Variants in RBFOX3 observed in about 807,000 individuals in gnomAD.
RBFOX3 encodes RNA binding fox-1 homolog 3.
RBFOX3 carries 17 observed loss-of-function variants against 48.7 expected under a neutral mutation model. The observed-to-expected ratio is 0.35, with a 90% confidence interval of 0.24 to 0.52. RBFOX3 has a LOEUF of 0.52. RBFOX3 is among the 20% of genes least tolerant of loss of function. The probability of loss-of-function intolerance (pLI) is 0.94; values close to 1 mark genes in which losing one functional copy is unlikely to be tolerated. For synonymous variants in RBFOX3, 212 were observed against 209.5 expected, an observed-to-expected ratio of 1.01 and a Z score of -0.10; for missense variants, 382 against 497.5, an observed-to-expected ratio of 0.77 and a Z score of 2.21.
rs539025539 is a variant in RBFOX3, at chr17:79,358,214, G to A, written c.-174-50390C>T. 4.9e-4 allele frequency among the ~76,000 whole-genome samples: 75 copies of A among 152,278 alleles called. 1 individual carries two copies. The South Asian group carries it at 9.5e-3, about 19-fold the overall frequency. On this transcript the variant is annotated intron_variant, in intron 2 of 14. Coordinates refer to ENST00000693108, the MANE Select transcript of RBFOX3 (RefSeq NM_001350451.2). ...TCCTGCCTTGGCCTCCCAAAGTGCT[G>A]GGATTACAGGTGTGACCAGTGTGCC...
chr17:79,583,978 C>T (rs989186886), intron 1 of RBFOX3, among the ~76,000 whole-genome samples: 13 of 152,020 alleles, frequency 8.6e-5, no homozygotes, highest in Non-Finnish European at 1.5e-4. Flanking sequence ...GCCCAGCCTC[C>T]GCCTTGTACA....
At chr17:79,655,987 G>A in the RBFOX3 span, among the ~76,000 whole-genome samples, 1 of 151,978 alleles carries the variant, frequency 6.6e-6, no homozygotes, top group Non-Finnish European at 1.5e-5. Flanking sequence ...TTCCAGAATG[G>A]CCCCAGAGCC....
At chr17:79,280,701 G>A (rs1042706006) in intron 3 of RBFOX3, among the ~76,000 whole-genome samples, 7 of 152,060 alleles carry the variant, frequency 4.6e-5, no homozygotes, top group African/African-American at 1.2e-4. Context: ...TGGGGCGCAC[G>A]GCAGGCGGGG....
At position 79,242,854 on chromosome 17, in the gene RBFOX3, T is replaced by A. The variant is rs1040018038; in HGVS notation, c.-73-7049A>T. 6.6e-6 allele frequency among the ~76,000 whole-genome samples: 1 copy of A among 152,132 alleles called. No homozygotes were observed. The highest frequency in any genetic ancestry group is 2.1e-4 in the South Asian group (1 of 4,832). On this transcript the variant is annotated intron_variant, in intron 3 of 14. Coordinates refer to ENST00000693108, the MANE Select transcript of RBFOX3 (RefSeq NM_001350451.2). The surrounding 1 kb of genome is among the most constrained non-coding windows in gnomAD (Gnocchi z 5.8). ...CTCTCCCAGGAAGCCCGGGCAGGGC[T>A]CCACAGCAACCTGCCTGGAGTCCCA...
At chr17:79,643,495 A>G in the RBFOX3 span, among the ~76,000 whole-genome samples, 1 of 152,050 alleles carries the variant, frequency 6.6e-6, no homozygotes, top group Non-Finnish European at 1.5e-5. Context: ...CATTCTTTTC[A>G]AGTTTACATG....
intron 1 of RBFOX3, among the ~76,000 whole-genome samples, chr17:79,531,017 C>T (rs1265108789): frequency 1.1e-4 from 16 of 152,340 alleles, no homozygotes; most frequent in African/African-American, 3.1e-4. Flanking sequence ...GTATTCTTGG[C>T]CCTCTACCCT....
At chr17:79,094,552 G>A in intron 13 of RBFOX3, 23 bp from the exon 14 acceptor site, 4 of 754,792 alleles carry the variant, frequency 5.3e-6, no homozygotes, top group Non-Finnish European at 7.5e-6. Context: ...GTGGGAGGGG[G>A]AGTGGGAGGA....
intron 2 of RBFOX3, among the ~76,000 whole-genome samples, chr17:79,393,274 G>A (rs562414076): frequency 1.1e-3 from 167 of 152,318 alleles, no homozygotes; most frequent in African/African-American, 3.9e-3. Flanking sequence ...GAGGCTTGGG[G>A]CACCTCTCCT....
At chr17:79,292,584 G>GCACACACA (rs937932598) in intron 3 of RBFOX3, among the ~76,000 whole-genome samples, 2 of 63,686 alleles carry the variant, frequency 3.1e-5, no homozygotes, top group Admixed American at 1.8e-4. Context: ...ACACACACAT[G>GCACACACA]CACACACACA....
intron 1 of RBFOX3, among the ~76,000 whole-genome samples, chr17:79,551,527 A>G (rs957087292): frequency 0.013 from 242 of 18,938 alleles, 3 homozygotes; most frequent in African/African-American, 0.017. Flanking sequence ...GGGTGGATGG[A>G]TGGACGGGTG....
At chr17:79,510,563 T>C (rs1470462251) in intron 1 of RBFOX3, among the ~76,000 whole-genome samples, 4 of 152,234 alleles carry the variant, frequency 2.6e-5, no homozygotes, top group East Asian at 3.9e-4. Context: ...CCGTGTAAAG[T>C]TGGGGCTGTA....
intron 3 of RBFOX3, among the ~76,000 whole-genome samples, chr17:79,275,526 G>A (rs115069649): frequency 0.01 from 1,554 of 152,276 alleles, 31 homozygotes; most frequent in African/African-American, 0.035. Flanking sequence ...GGAGGGTGCA[G>A]ACCGCACGCT....
At chr17:79,379,295 T>C (rs2059600921) in intron 2 of RBFOX3, among the ~76,000 whole-genome samples, 1 of 152,138 alleles carries the variant, frequency 6.6e-6, no homozygotes, top group Admixed American at 6.5e-5. Flanking sequence ...AATTCCCGAC[T>C]CCTTGCCTGC....
chr17:79,374,083 G>A (rs1421076402), intron 2 of RBFOX3, among the ~76,000 whole-genome samples: 3 of 152,100 alleles, frequency 2.0e-5, no homozygotes, highest in Admixed American at 6.5e-5. Flanking sequence ...GGCTGGTCTC[G>A]CACTCCTGAC....
intron 4 of RBFOX3, among the ~76,000 whole-genome samples, chr17:79,181,409 G>T (rs1398616284): frequency 6.6e-6 from 1 of 152,214 alleles, no homozygotes; most frequent in African/African-American, 2.4e-5. Flanking sequence ...GGGAGGGGCT[G>T]GGAACCTGAC....
chr17:79,637,174 A>G, the RBFOX3 span, among the ~76,000 whole-genome samples: 5 of 152,224 alleles, frequency 3.3e-5, no homozygotes, highest in African/African-American at 1.2e-4. Flanking sequence ...AAAGAGCTAA[A>G]GGGAGTGATA....
At chr17:79,529,009 A>T (rs1034583495) in intron 1 of RBFOX3, among the ~76,000 whole-genome samples, 1 of 152,234 alleles carries the variant, frequency 6.6e-6, no homozygotes, top group African/African-American at 2.4e-5. Flanking sequence ...CTGTTCCCAC[A>T]TAACAGCACA....
In RBFOX3 at chr17:79,205,162, G is replaced by A. The variant is rs1218764160; in HGVS notation, c.-34+30604C>T. Among the ~76,000 whole-genome samples, 1 of 152,098 alleles carries A rather than the reference G, an allele frequency of 6.6e-6. No individual in the cohort carries two copies. Among genetic ancestry groups the A allele is most frequent in the East Asian group, 1.9e-4 (1 of 5,186 alleles). On this transcript the variant is annotated intron_variant, in intron 4 of 14. Transcript: ENST00000693108. This position sits in a 1 kb window ranked among gnomAD's most constrained non-coding sequence, Gnocchi z 4.5. The stretch of plus-strand genomic sequence containing the variant: ...TAGCATCCCCATCCTTCCCCAGATG[G>A]ACCTGTGGATACTTGCCAGAGAACC...
rs530338772 is a variant in RBFOX3 at position 79,391,685 on chromosome 17, C to T, written c.-174-83861G>A. On this transcript the variant is annotated intron_variant, in intron 2 of 14. Coordinates refer to ENST00000693108, the MANE Select transcript of RBFOX3 (RefSeq NM_001350451.2). The surrounding 1 kb of genome is among the most constrained non-coding windows in gnomAD (Gnocchi z 5.0). ...GTGTGTACTTGCCTGCCTGTGCATC[C>T]ACATATATGTGCGTGTGAGCGTGTG... Among the ~76,000 whole-genome samples, 1 of 152,314 alleles carries T rather than the reference C, an allele frequency of 6.6e-6. No homozygotes were observed. Among genetic ancestry groups the T allele is most frequent in the African/African-American group, 2.4e-5 (1 of 41,568 alleles).
Sources: allele counts gnomAD v4.1 joint callset (sites outside exome capture counted in the v4.1 genomes callset), GRCh38; gene constraint gnomAD v4.1.1; non-coding constraint Gnocchi (gnomAD v3.1); transcripts MANE v1.5; gene names NCBI Gene and HGNC (gene_info 2026-07-23, HGNC 2026-07-21).